The following SLC10A7 variants were observed in gnomAD, a reference collection of about 807,000 sequenced individuals.
SLC10A7 encodes sodium/bile acid cotransporter 7.
Under a neutral mutation model 43.2 loss-of-function variants are expected in SLC10A7, and 29 were observed. The observed-to-expected ratio is 0.67, with a 90% CI of 0.50 to 0.92. SLC10A7 has a LOEUF of 0.92. SLC10A7 is among the 40% of genes least tolerant of loss of function. SLC10A7 has a pLI of 0.00. For synonymous variants in SLC10A7, 152 were observed against 144.8 expected (o/e 1.05, Z -0.35); for missense variants, 295 against 403.2 (o/e 0.73, Z 2.30).
rs1176275004 is a variant in SLC10A7 at position 146,324,070 on chromosome 4, A to G, written c.471+1891T>C. On this transcript the variant is annotated intron_variant, in intron 6 of 11. Coordinates refer to ENST00000335472, the MANE Select transcript of SLC10A7 (RefSeq NM_001029998.6). ...CCAAATCACGAGTGAACTCCCATTCACAATTGCTTCAAAGAGAATAAAATA... is the reference window on the plus strand; with the variant it reads ...CCAAATCACGAGTGAACTCCCATTCGCAATTGCTTCAAAGAGAATAAAATA... Among the ~76,000 whole-genome samples, 8 of 152,202 alleles carry G rather than the reference A, an allele frequency of 5.3e-5. No individual in the cohort carries two copies. In the East Asian group the frequency reaches 1.5e-3, roughly 29 times the overall value.
intron 1 of SLC10A7, 102 bp downstream of exon 1, chr4:146,521,516 A>G: frequency 1.1e-6 from 1 of 944,594 alleles, no homozygotes; most frequent in Non-Finnish European, 1.6e-6. Context: ...GCCCCCTGAA[A>G]TTGGCAAGCG....
intron 5 of SLC10A7, among the ~76,000 whole-genome samples, chr4:146,392,485 T>G (rs1229996134): frequency 1.3e-5 from 2 of 152,094 alleles, no homozygotes; most frequent in Admixed American, 1.3e-4. Context: ...ATTTTTATGT[T>G]TATATATGTG....
At chr4:146,350,377 T>C (rs1734972955) in intron 5 of SLC10A7, among the ~76,000 whole-genome samples, 2 of 131,846 alleles carry the variant, frequency 1.5e-5, no homozygotes, top group Admixed American at 7.8e-5. Flanking sequence ...GCTCAGAGGG[T>C]CCTACGCCCA....
intron 4 of SLC10A7, among the ~76,000 whole-genome samples, chr4:146,453,468 G>A (rs1031965054): frequency 2.0e-5 from 3 of 151,792 alleles, no homozygotes; most frequent in Admixed American, 6.6e-5. Context: ...TTTCTTAAGG[G>A]GCCTATTAAT....
chr4:146,415,669 T>C (rs1728508944), intron 5 of SLC10A7, among the ~76,000 whole-genome samples: 1 of 152,202 alleles, frequency 6.6e-6, no homozygotes, highest in Non-Finnish European at 1.5e-5. Flanking sequence ...AGCTATATGA[T>C]GCTTTACATA....
chr4:146,439,570 T>A (rs557459305), intron 5 of SLC10A7, among the ~76,000 whole-genome samples: 1 of 152,110 alleles, frequency 6.6e-6, no homozygotes, highest in Non-Finnish European at 1.5e-5. Flanking sequence ...TGGATATCCA[T>A]AGTCACACCC....
chr4:146,462,650 C>T (rs559521030), intron 4 of SLC10A7, among the ~76,000 whole-genome samples: 29 of 152,106 alleles, frequency 1.9e-4, no homozygotes, highest in Non-Finnish European at 3.8e-4. Context: ...AGCACTAAAT[C>T]GACTTCAAAT....
At chr4:146,509,352 A>G (rs941068188) in intron 3 of SLC10A7, among the ~76,000 whole-genome samples, 2 of 152,230 alleles carry the variant, frequency 1.3e-5, no homozygotes, top group Non-Finnish European at 2.9e-5. Flanking sequence ...AGTAAGCAGT[A>G]AAAGTACGAT....
At chr4:146,483,987 T>G (rs1734711236) in intron 4 of SLC10A7, among the ~76,000 whole-genome samples, 2 of 152,126 alleles carry the variant, frequency 1.3e-5, no homozygotes, top group South Asian at 4.1e-4. Flanking sequence ...AAAGCAAGAA[T>G]TAATGGATAT....
At chr4:146,370,494 G>A (rs1736692750) in intron 5 of SLC10A7, among the ~76,000 whole-genome samples, 1 of 152,134 alleles carries the variant, frequency 6.6e-6, no homozygotes, top group Non-Finnish European at 1.5e-5. Context: ...GCTCAGGCAA[G>A]GTGGTGTCAG....
intron 7 of SLC10A7, among the ~76,000 whole-genome samples, chr4:146,299,667 TG>T: frequency 6.6e-6 from 1 of 152,070 alleles, no homozygotes; most frequent in African/African-American, 2.4e-5. Flanking sequence ...GGGAGAGTGT[TG>T]GGGAGGTAAA....
intron 2 of SLC10A7, among the ~76,000 whole-genome samples, chr4:146,512,101 G>A (rs1474369468): frequency 6.8e-6 from 1 of 147,802 alleles, no homozygotes; most frequent in Non-Finnish European, 1.5e-5. Context: ...CACCTCCCAA[G>A]TAGCGGGGAT....
At position 146,315,424 on chromosome 4, in the gene SLC10A7, T is replaced by C. The variant is rs561101036; in HGVS notation, c.472-9415A>G. On this transcript the variant is annotated intron_variant, in intron 6 of 11. Coordinates refer to ENST00000335472, the MANE Select transcript of SLC10A7 (RefSeq NM_001029998.6). Reference sequence around the variant, plus strand: ...AAGGAAAGATATGCAAGTTTTTAAGTGATGTTAGACACAGCAGAGAATCAG... The same window carrying C: ...AAGGAAAGATATGCAAGTTTTTAAGCGATGTTAGACACAGCAGAGAATCAG... Among the ~76,000 whole-genome samples, 192 of 152,234 alleles carry C rather than the reference T, an allele frequency of 1.3e-3. 1 individual carries two copies. The highest frequency in any genetic ancestry group is 4.4e-3 in the African/African-American group (182 of 41,568).
chr4:146,341,243 A>C (rs1039210473), intron 5 of SLC10A7, among the ~76,000 whole-genome samples: 3 of 151,836 alleles, frequency 2.0e-5, no homozygotes, highest in Non-Finnish European at 4.4e-5. Context: ...AGGAATTTAA[A>C]TAAAAGAGGG....
chr4:146,447,934 A>C (rs1415623606), intron 4 of SLC10A7, among the ~76,000 whole-genome samples: 1 of 151,964 alleles, frequency 6.6e-6, no homozygotes. Context: ...AAAAAAAAAA[A>C]AACCTAATCA....
chr4:146,283,312 T>C (rs528754641), intron 9 of SLC10A7, 47 bp from the exon 10 acceptor site: 2 of 1,477,892 alleles, frequency 1.4e-6, no homozygotes, highest in Non-Finnish European at 1.9e-6. Flanking sequence ...AAAAAGCCAA[T>C]TTAACACATT....
intron 7 of SLC10A7, among the ~76,000 whole-genome samples, chr4:146,295,569 T>C (rs1223029406): frequency 6.6e-6 from 1 of 152,084 alleles, no homozygotes; most frequent in Non-Finnish European, 1.5e-5. Context: ...TACTGACATA[T>C]TAGAACACAA....
chr4:146,406,695 G>T (rs766373034), intron 5 of SLC10A7, among the ~76,000 whole-genome samples: 1 of 152,230 alleles, frequency 6.6e-6, no homozygotes, highest in East Asian at 1.9e-4. Context: ...AGAGTTTATT[G>T]TGCGTGGCCA....
At chr4:146,388,466 A>C (rs1158148419) in intron 5 of SLC10A7, among the ~76,000 whole-genome samples, 1 of 152,144 alleles carries the variant, frequency 6.6e-6, no homozygotes, top group Non-Finnish European at 1.5e-5. Flanking sequence ...AACTATAAAA[A>C]TCCTAGAAGA....
Sources: gnomAD v4.1 joint callset for allele counts (sites outside exome capture counted in the v4.1 genomes callset) on GRCh38, gnomAD v4.1.1 for gene constraint, MANE v1.5 for transcripts, NCBI Gene and HGNC (gene_info 2026-07-23, HGNC 2026-07-21) for gene names.